Variants in TTC17 observed in about 807,000 individuals in gnomAD.
TTC17 encodes the protein tetratricopeptide repeat domain 17, also known as tetratricopeptide repeat protein 17.
In TTC17, 58 loss-of-function variants were observed where a neutral mutation model predicts 143.8. That is an observed-to-expected ratio of 0.40 (90% CI 0.33 to 0.50). The LOEUF (loss-of-function observed/expected upper bound fraction) is 0.50. TTC17 is among the 20% of genes least tolerant of loss of function. TTC17 has a pLI of 0.49. For missense variants in TTC17, 1,273 were observed against 1,392.5 expected (o/e 0.91, Z 1.37); for synonymous variants, 501 against 497.8 (o/e 1.01, Z -0.09).
At chr11:43,484,893 G>A (rs544461308) in intron 21 of TTC17, among the ~76,000 whole-genome samples, 11 of 151,894 alleles carry the variant, frequency 7.2e-5, no homozygotes, top group Admixed American at 5.9e-4. Flanking sequence ...ACTCCCCATC[G>A]CTCGCATTAC....
At chr11:43,366,042 G>A (rs995314435) in intron 1 of TTC17, among the ~76,000 whole-genome samples, 4 of 150,592 alleles carry the variant, frequency 2.7e-5, no homozygotes, top group Admixed American at 6.6e-5. Context: ...GTGCAGTGGC[G>A]CAATCTCGGC....
At position 43,405,722 on chromosome 11, in the gene TTC17, A is replaced by G. The variant is rs1379006723; in HGVS notation, c.1596-64A>G. On this transcript the variant is annotated intron_variant, in intron 12 of 23. Coordinates refer to ENST00000039989, the MANE Select transcript of TTC17 (RefSeq NM_018259.6). ...CACCAGCCTTGGACTTGAAAAGTTA[A>G]GTCTTTATCTTGAAGTCACCCAAAC... 4 of 1,611,808 alleles carry G rather than the reference A, an allele frequency of 2.5e-6. No homozygotes were observed. The South Asian group carries it at 4.4e-5, about 18-fold the overall frequency.
At chr11:43,447,016 A>G (rs545236178) in intron 18 of TTC17, among the ~76,000 whole-genome samples, 4 of 152,268 alleles carry the variant, frequency 2.6e-5, no homozygotes, top group Admixed American at 6.5e-5. Context: ...CATCTGAGAA[A>G]TGAGGGTTAA....
intron 16 of TTC17, among the ~76,000 whole-genome samples, chr11:43,425,627 AC>A (rs1348927558): frequency 6.6e-6 from 1 of 152,104 alleles, no homozygotes; most frequent in African/African-American, 2.4e-5. Flanking sequence ...AACACATAAG[AC>A]TGAGGATGTC....
intron 18 of TTC17, among the ~76,000 whole-genome samples, chr11:43,445,562 C>T (rs188553858): frequency 2.0e-5 from 3 of 151,950 alleles, no homozygotes; most frequent in African/African-American, 4.8e-5. Flanking sequence ...AAACTAAAGC[C>T]GAATATGGTT....
In TTC17 at chr11:43,389,780, A is replaced by C. The variant is rs778844575; in HGVS notation, c.378A>C (p.Leu126=). 1.3e-5 allele frequency: 21 copies of C among 1,613,372 alleles called. No individual in the cohort carries two copies. The highest frequency in any genetic ancestry group is 1.8e-5 in the Non-Finnish European group (21 of 1,179,860). Residue 126 remains leucine, a synonymous_variant, in exon 3 of 24, where the codon CTA becomes CTC. Transcript: ENST00000039989. The stretch of plus-strand genomic sequence containing the variant: ...AGGTGCCCTTAGGGGACCTGGATCT[A>C]TATGATGGCACATACATAACTTTGG... ...KAKVPLGDLD[L]YDGTYITLES...
At position 43,404,469 on chromosome 11, in the gene TTC17, C is replaced by T. The variant is rs547305568; in HGVS notation, c.1479+325C>T. On this transcript the variant is annotated intron_variant, in intron 11 of 23. Transcript: ENST00000039989. ...TATGTTTTTATATACTTCACTTAAT[C>T]GGCATTCTTTTATTGAACTCCCACC... is the stretch of plus-strand genomic sequence containing the variant. Among the ~76,000 whole-genome samples the T allele has an allele frequency of 3.3e-5, 5 of 152,256 alleles. No homozygotes were observed. The East Asian group carries it at 9.6e-4, about 29-fold the overall frequency.
In TTC17 at chr11:43,359,004, C is replaced by T. The variant is rs752445963; in HGVS notation, c.50C>T (p.Ser17Phe). The T allele has an allele frequency of 1.8e-5, 28 of 1,586,182 alleles. 1 individual carries two copies. The Admixed American group carries it at 4.7e-4, about 27-fold the overall frequency. Residue 17 changes from serine (S) to phenylalanine (F), a missense_variant, in exon 1 of 24, where the codon TCC becomes TTC. By Grantham distance (155) the Ser-to-Phe change is radical. Coordinates refer to ENST00000039989, the MANE Select transcript of TTC17 (RefSeq NM_018259.6). The stretch of plus-strand genomic sequence containing the variant: ...GGCCGGTACGAGCTGCCGCCTTGCT[C>T]CGGCCCAGGCTGGCTCCTCAGCCTT... ...VRGRYELPPC[S>F]GPGWLLSLSA...
chr11:43,384,490 T>C (rs558451318), intron 2 of TTC17, among the ~76,000 whole-genome samples: 10 of 152,074 alleles, frequency 6.6e-5, no homozygotes, highest in Non-Finnish European at 1.2e-4. Context: ...ATGCTGTTTC[T>C]ACCAAAAATA....
rs145041077 is a variant in TTC17 at position 43,390,935 on chromosome 11, A to G, written c.420-530A>G. Among the ~76,000 whole-genome samples the G allele has an allele frequency of 3.4e-3, 513 of 152,314 alleles. 3 individuals carry two copies. The highest frequency in any genetic ancestry group is 0.012 in the African/African-American group (479 of 41,572). ...AGTTGTATTAGTTATTAAAAAGTCC[A>G]TGATCTTATTCTGTGACCTATCTAC... On this transcript the variant is annotated intron_variant, in intron 3 of 23. Transcript: ENST00000039989.
At chr11:43,395,060 A>G (rs1857526535) in intron 5 of TTC17, among the ~76,000 whole-genome samples, 1 of 150,912 alleles carries the variant, frequency 6.6e-6, no homozygotes, top group Non-Finnish European at 1.5e-5. Context: ...TATGATATAT[A>G]TTTAACTTAT....
chr11:43,447,788 C>T (rs575171614), intron 18 of TTC17: 16 of 506,970 alleles, frequency 3.2e-5, no homozygotes, highest in Middle Eastern at 5.2e-4. Flanking sequence ...TTTATTCTTA[C>T]TTCTCCACCT....
chr11:43,471,183 G>T (rs1948085574), intron 21 of TTC17, among the ~76,000 whole-genome samples: 2 of 152,184 alleles, frequency 1.3e-5, no homozygotes, highest in Admixed American at 1.3e-4. Context: ...CTTGCATCAA[G>T]CTGCTGCCAT....
In TTC17 at chr11:43,391,594, G is replaced by A. The variant is rs770407164; in HGVS notation, c.531+18G>A. Reference sequence around the variant, plus strand: ...ACTTGAGAGTAAGTAGAGAACTTTAGGATTTTTTTTTTTTTGCGTTGCGTT... The same window carrying A: ...ACTTGAGAGTAAGTAGAGAACTTTAAGATTTTTTTTTTTTTGCGTTGCGTT... On this transcript the variant is annotated intron_variant, in intron 4 of 23. Transcript: ENST00000039989. 87 of 1,334,426 alleles carry A rather than the reference G, an allele frequency of 6.5e-5. 1 individual carries two copies. The highest frequency in any genetic ancestry group is 1.0e-4 in the Admixed American group (3 of 29,746). 82.7% of individuals were successfully genotyped at this position (1,334,426 alleles called of 1,614,324 possible).
chr11:43,405,916 C>A lies in TTC17; in HGVS notation c.1726C>A (p.Leu576Met), dbSNP rs138792083. The A allele has an allele frequency of 2.3e-4, 374 of 1,613,298 alleles. No individual in the cohort carries two copies. Among genetic ancestry groups the A allele is most frequent in the Non-Finnish European group, 2.8e-4 (336 of 1,179,816 alleles). The stretch of plus-strand genomic sequence containing the variant: ...CAAAGAATTAGAGGTTCGCATGGAT[C>A]TGAAAGCCAAAATGCCAGATGACCA... The part of the protein sequence containing the change: ...LVKELEVRMD[L>M]KAKMPDDHAR... The change falls in exon 13 of 24, where the codon CTG becomes ATG. Residue 576 changes from leucine to methionine, a missense_variant. Around this residue, in one of 3 missense-constraint regions of TTC17, gnomAD observed 878 missense variants for 899.8 expected, o/e 0.98. Coordinates refer to ENST00000039989, the MANE Select transcript of TTC17 (RefSeq NM_018259.6).
intron 18 of TTC17, chr11:43,446,092 T>G: frequency 1.3e-6 from 2 of 1,493,962 alleles, no homozygotes; most frequent in Non-Finnish European, 1.8e-6. Flanking sequence ...AACTTCCTAG[T>G]GTGGTGTACA....
chr11:43,406,873 C>CTGACTTTAATGGGGTATGGTA (rs1257211300), intron 13 of TTC17, among the ~76,000 whole-genome samples: 3 of 152,102 alleles, frequency 2.0e-5, no homozygotes, highest in African/African-American at 7.2e-5. Flanking sequence ...AACACTTAGG[C>CTGACTTTAATGGGGTATGGTA]TGACTTTAAT....
chr11:43,388,276 C>T (rs1857241152), intron 2 of TTC17, among the ~76,000 whole-genome samples: 1 of 152,014 alleles, frequency 6.6e-6, no homozygotes, highest in South Asian at 2.1e-4. Context: ...ATCTCAAAAA[C>T]ATACATACTT....
At chr11:43,388,656 TAGTG>T (rs1857261456) in intron 2 of TTC17, among the ~76,000 whole-genome samples, 2 of 151,152 alleles carry the variant, frequency 1.3e-5, no homozygotes, top group South Asian at 4.2e-4. Flanking sequence ...CTGGGCAACA[TAGTG>T]AGACTCCATT....
Sources: gnomAD v4.1 joint callset for allele counts (sites outside exome capture counted in the v4.1 genomes callset) on GRCh38, gnomAD v4.1.1 for gene constraint, gnomAD v4.1.1 regional missense constraint, MANE v1.5 for transcripts, NCBI Gene and HGNC (gene_info 2026-07-23, HGNC 2026-07-21) for gene names.